The following DCUN1D1 variants were observed in gnomAD, a reference collection of about 807,000 sequenced individuals.
DCUN1D1 encodes DCN1-like protein 1.
In DCUN1D1, 3 loss-of-function variants were observed where a neutral mutation model predicts 39.0. The observed-to-expected ratio is 0.08, with a 90% CI of 0.04 to 0.20. The LOEUF is 0.20. DCUN1D1 is among the 10% of genes least tolerant of loss of function. The probability of loss-of-function intolerance (pLI) is 1.00; values close to 1 mark genes in which losing one functional copy is unlikely to be tolerated. For synonymous variants in DCUN1D1, 82 were observed against 96.3 expected (o/e 0.85, Z 0.87); for missense variants, 158 against 302.4 (o/e 0.52, Z 3.54).
intron 4 of DCUN1D1, among the ~76,000 whole-genome samples, chr3:182,957,112 T>C (rs1233423234): frequency 6.6e-6 from 1 of 152,164 alleles, no homozygotes; most frequent in East Asian, 1.9e-4. Context: ...ATAGAAGTAA[T>C]AAAGACAAAG....
chr3:182,973,097 G>C (rs938670476), intron 1 of DCUN1D1, among the ~76,000 whole-genome samples: 29 of 152,286 alleles, frequency 1.9e-4, no homozygotes, highest in African/African-American at 7.0e-4. Flanking sequence ...CCACATGGGG[G>C]AGGGAGGAAC....
At chr3:182,949,670 A>G (rs1233897721) in intron 4 of DCUN1D1, among the ~76,000 whole-genome samples, 1 of 152,096 alleles carries the variant, frequency 6.6e-6, no homozygotes, top group Non-Finnish European at 1.5e-5. Flanking sequence ...GCAGTAAGCT[A>G]TGATCATGCC....
At chr3:182,968,784 G>C (rs1420662330) in intron 1 of DCUN1D1, among the ~76,000 whole-genome samples, 2 of 152,024 alleles carry the variant, frequency 1.3e-5, no homozygotes, top group African/African-American at 2.4e-5. Context: ...ATTTTTAGTA[G>C]AGATGGGGTT....
intron 4 of DCUN1D1, among the ~76,000 whole-genome samples, chr3:182,952,761 A>C (rs1392354372): frequency 6.6e-6 from 1 of 152,136 alleles, no homozygotes; most frequent in Non-Finnish European, 1.5e-5. Context: ...TCCTCATCAT[A>C]CACAACCAAC....
intron 4 of DCUN1D1, among the ~76,000 whole-genome samples, chr3:182,948,283 CTTAAAA>C (rs2108624613): frequency 6.6e-6 from 1 of 152,292 alleles, no homozygotes; most frequent in African/African-American, 2.4e-5. Context: ...TGATCTAAAA[CTTAAAA>C]TTAATAAGAA....
rs572043415 is a variant in DCUN1D1, at chr3:182,938,646, A to G, written c.*6448T>C. The G allele has an allele frequency of 5.9e-5, 9 of 152,212 alleles. No homozygotes were observed. Among genetic ancestry groups the G allele is most frequent in the Non-Finnish European group, 7.3e-5 (5 of 68,032 alleles). 9.4% of individuals were successfully genotyped at this position (152,212 alleles called of 1,614,324 possible). The stretch of plus-strand genomic sequence containing the variant: ...AATTGTCCTTTTACATATACCTGAC[A>G]TACGCCATTAATTTTTTAAAAAGCA... On this transcript the variant is annotated 3_prime_UTR_variant, in exon 7 of 7. Coordinates refer to ENST00000292782, the MANE Select transcript of DCUN1D1 (RefSeq NM_020640.4).
chr3:182,947,729 G>A (rs1411194717), intron 4 of DCUN1D1, 97 bp from the exon 5 acceptor site: 7 of 717,908 alleles, frequency 9.8e-6, no homozygotes. Context: ...ACCAAAGAAA[G>A]TCTAAAAATA....
chr3:182,974,317 TC>T (rs1464975291), intron 1 of DCUN1D1, among the ~76,000 whole-genome samples: 1 of 152,188 alleles, frequency 6.6e-6, no homozygotes, highest in Non-Finnish European at 1.5e-5. Flanking sequence ...AAAATAACCA[TC>T]TTAAAATACC....
intron 1 of DCUN1D1, chr3:182,980,275 C>G (rs1728472157): frequency 3.2e-6 from 1 of 317,436 alleles, no homozygotes; most frequent in Non-Finnish European, 4.6e-6. Context: ...TCCGCCTCCT[C>G]GGCTCTCGCG....
At chr3:182,980,437 C>A in intron 1 of DCUN1D1, 50 bp downstream of exon 1, 1 of 1,056,626 alleles carries the variant, frequency 9.5e-7, no homozygotes, top group Non-Finnish European at 1.1e-6. Flanking sequence ...GGGTGCGCGG[C>A]AGCGCCGGCC....
chr3:182,951,025 A>T (rs1726701796), intron 4 of DCUN1D1: 1 of 150,320 alleles, frequency 6.7e-6, no homozygotes, highest in African/African-American at 2.5e-5. Flanking sequence ...AAAAAAAAAA[A>T]AAAAAAAATA....
chr3:182,947,213 G>A, intron 6 of DCUN1D1, 25 bp downstream of exon 6: 1 of 1,390,200 alleles, frequency 7.2e-7, no homozygotes, highest in South Asian at 1.3e-5. Flanking sequence ...TTAAAAAAAA[G>A]TGGTGTGGCA....
chr3:182,972,791 A>G (rs1304255691), intron 1 of DCUN1D1, among the ~76,000 whole-genome samples: 1 of 152,210 alleles, frequency 6.6e-6, no homozygotes, highest in Non-Finnish European at 1.5e-5. Context: ...CTGTAATCCC[A>G]GCACTCTGGG....
chr3:182,980,161 C>G (rs935951912), intron 1 of DCUN1D1: 3 of 668,584 alleles, frequency 4.5e-6, no homozygotes, highest in Non-Finnish European at 5.6e-6. Flanking sequence ...TCCCCTCCCC[C>G]CGCCCCAACG....
intron 3 of DCUN1D1, among the ~76,000 whole-genome samples, chr3:182,961,843 C>T (rs1029399436): frequency 1.3e-5 from 2 of 152,174 alleles, no homozygotes; most frequent in African/African-American, 4.8e-5. Flanking sequence ...AACAGGTGAA[C>T]CTCCTACCAC....
At chr3:182,963,061 T>C (rs564778579) in intron 3 of DCUN1D1, among the ~76,000 whole-genome samples, 1 of 152,320 alleles carries the variant, frequency 6.6e-6, no homozygotes, top group East Asian at 1.9e-4. Context: ...ACTACAGGCA[T>C]GAGCCACCGC....
rs1426853957 is a variant in DCUN1D1, at chr3:182,941,093, TACTC to T, written c.*3997_*4000del. ...GAGTTGGTGAGCAAGAAATGCTACT[TACTC>T]AACAGGTAGGAAAGAAAATAAGATA... On this transcript the variant is annotated 3_prime_UTR_variant, in exon 7 of 7. Transcript: ENST00000292782. 2 of 152,182 alleles carry T rather than the reference TACTC, an allele frequency of 1.3e-5. No homozygotes were observed. Among genetic ancestry groups the T allele is most frequent in the East Asian group, 1.9e-4 (1 of 5,202 alleles). 9.4% of individuals were successfully genotyped at this position (152,182 alleles called of 1,614,324 possible).
At chr3:182,974,167 G>A (rs1029660957) in intron 1 of DCUN1D1, among the ~76,000 whole-genome samples, 2 of 152,028 alleles carry the variant, frequency 1.3e-5, no homozygotes, top group African/African-American at 2.4e-5. Flanking sequence ...CAGGAGAATC[G>A]TTTGAATCCA....
At chr3:182,956,383 G>A in intron 4 of DCUN1D1, 1 of 217,946 alleles carries the variant, frequency 4.6e-6, no homozygotes, top group Non-Finnish European at 9.8e-6. Flanking sequence ...AATATCTACG[G>A]CTAACACAAA....
Sources: gnomAD v4.1 joint callset for allele counts (sites outside exome capture counted in the v4.1 genomes callset) on GRCh38, gnomAD v4.1.1 for gene constraint, MANE v1.5 for transcripts, NCBI Gene and HGNC (gene_info 2026-07-23, HGNC 2026-07-21) for gene names.